Variants in IKZF2 observed in about 807,000 individuals in gnomAD.
IKZF2 encodes zinc finger protein Helios.
In IKZF2, 15 loss-of-function variants were observed where a neutral mutation model predicts 49.2. The ratio of observed to expected loss-of-function variants is 0.30; its 90% CI spans 0.20 to 0.47. IKZF2 has a LOEUF of 0.47. Ranked by LOEUF, IKZF2 falls within the 20% of genes least tolerant of loss-of-function variation. The pLI is 1.00. For missense variants in IKZF2, 567 were observed against 664.6 expected (o/e 0.85, Z 1.61); for synonymous variants, 227 against 221.4 (o/e 1.03, Z -0.23).
At chr2:213,146,762 G>GGGT (rs979527484) in intron 4 of IKZF2, among the ~76,000 whole-genome samples, 4 of 134,354 alleles carry the variant, frequency 3.0e-5, no homozygotes, top group Admixed American at 7.6e-5. Context: ...AAATCTTCGG[G>GGGT]GGGGGGGAAG....
intron 4 of IKZF2, among the ~76,000 whole-genome samples, chr2:213,107,046 A>G (rs1016013851): frequency 6.6e-6 from 1 of 152,170 alleles, no homozygotes; most frequent in Non-Finnish European, 1.5e-5. Context: ...ACTATATCAC[A>G]TATAGAAGGA....
At chr2:213,113,410 T>A (rs2059775611) in intron 4 of IKZF2, among the ~76,000 whole-genome samples, 1 of 152,142 alleles carries the variant, frequency 6.6e-6, no homozygotes, top group African/African-American at 2.4e-5. Context: ...TTAACTCAGT[T>A]TTTTTGGGGC....
chr2:213,083,073 G>A (rs765814774), intron 4 of IKZF2, among the ~76,000 whole-genome samples: 2 of 152,114 alleles, frequency 1.3e-5, no homozygotes, highest in Non-Finnish European at 2.9e-5. Context: ...CAGTTAAAAT[G>A]AGCCATATAG....
At chr2:213,010,678 T>C (rs530687334) in intron 8 of IKZF2, among the ~76,000 whole-genome samples, 4 of 152,132 alleles carry the variant, frequency 2.6e-5, no homozygotes, top group African/African-American at 9.6e-5. Context: ...TACATGTGTG[T>C]GTGAGACCCC....
At chr2:213,082,441 A>C (rs1055480170) in intron 4 of IKZF2, among the ~76,000 whole-genome samples, 6 of 152,220 alleles carry the variant, frequency 3.9e-5, no homozygotes, top group African/African-American at 9.6e-5. Flanking sequence ...ATATTAATGC[A>C]AGAAATAAGA....
At chr2:213,124,048 C>T (rs2125848245) in intron 4 of IKZF2, among the ~76,000 whole-genome samples, 1 of 152,190 alleles carries the variant, frequency 6.6e-6, no homozygotes, top group East Asian at 1.9e-4. Context: ...ACTTCCTTTC[C>T]TCTAGCACTT....
intron 4 of IKZF2, among the ~76,000 whole-genome samples, chr2:213,093,478 C>T (rs1242053243): frequency 1.3e-5 from 2 of 152,172 alleles, no homozygotes; most frequent in Non-Finnish European, 2.9e-5. Flanking sequence ...TTAAATTTCA[C>T]TTACTCTAAA....
chr2:213,131,001 C>G (rs891716602), intron 4 of IKZF2, among the ~76,000 whole-genome samples: 1 of 152,054 alleles, frequency 6.6e-6, no homozygotes, highest in Non-Finnish European at 1.5e-5. Context: ...CAAACAAATG[C>G]TTGTAAAACT....
chr2:213,069,076 G>A (rs983334474), intron 4 of IKZF2, among the ~76,000 whole-genome samples: 5 of 152,096 alleles, frequency 3.3e-5, no homozygotes, highest in Admixed American at 2.6e-4. Context: ...TCCCCGTCAG[G>A]ATGTGAACCC....
intron 5 of IKZF2, among the ~76,000 whole-genome samples, chr2:213,050,699 G>A (rs1559208522): frequency 6.6e-6 from 1 of 152,018 alleles, no homozygotes; most frequent in African/African-American, 2.4e-5. Flanking sequence ...TTGCTATGAA[G>A]TTTTTAAGCC....
chr2:213,084,396 T>C (rs998982700), intron 4 of IKZF2, among the ~76,000 whole-genome samples: 3 of 152,176 alleles, frequency 2.0e-5, no homozygotes, highest in African/African-American at 4.8e-5. Context: ...CTACAAAAGA[T>C]TCTCCTAAAC....
At chr2:213,141,148 A>T (rs1038944643) in intron 4 of IKZF2, among the ~76,000 whole-genome samples, 2 of 151,934 alleles carry the variant, frequency 1.3e-5, no homozygotes, top group South Asian at 4.1e-4. Context: ...TTGTCTCCTT[A>T]ATTCTACTAC....
intron 4 of IKZF2, among the ~76,000 whole-genome samples, chr2:213,113,802 T>C (rs10179508): frequency 0.37 from 56,681 of 151,974 alleles, 13,171 homozygotes; most frequent in East Asian, 0.73. Flanking sequence ...TGTTTCTAAA[T>C]GTGCCTGGGA....
At position 213,005,963 on chromosome 2, in the gene IKZF2, G is replaced by C. The variant is rs934042247; in HGVS notation, c.*1397C>G. 1.3e-5 allele frequency: 2 copies of C among 151,970 alleles called. No individual in the cohort carries two copies. The highest frequency in any genetic ancestry group is 4.8e-5 in the African/African-American group (2 of 41,414). The allele number at this position is 151,970 out of a possible 1,614,324, so 9.4% of individuals were successfully genotyped here. A position where few individuals can be genotyped will look rare whatever the true frequency, so the allele number is the denominator to read the frequency against. ...GAAAAATGTGCAGGACTTTCCTTTGGGGGTTCTGTCACATTCTAGACTCCA... is the reference window on the plus strand; with the variant it reads ...GAAAAATGTGCAGGACTTTCCTTTGCGGGTTCTGTCACATTCTAGACTCCA... On this transcript the variant is annotated 3_prime_UTR_variant, in exon 9 of 9. Coordinates refer to ENST00000434687, the MANE Select transcript of IKZF2 (RefSeq NM_001387220.1).
intron 4 of IKZF2, among the ~76,000 whole-genome samples, chr2:213,131,258 T>C (rs1435868320): frequency 6.6e-6 from 1 of 152,164 alleles, no homozygotes; most frequent in Non-Finnish European, 1.5e-5. Flanking sequence ...CTTAACAGTT[T>C]TAAGGGAGAG....
chr2:213,151,969 C>T (rs1457207854), upstream of IKZF2, among the ~76,000 whole-genome samples: 1 of 151,684 alleles, frequency 6.6e-6, no homozygotes, highest in Non-Finnish European at 1.5e-5. Flanking sequence ...CCGCGACGCG[C>T]GCACTCCCTC....
At chr2:213,142,373 A>G (rs2060905745) in intron 4 of IKZF2, among the ~76,000 whole-genome samples, 1 of 151,974 alleles carries the variant, frequency 6.6e-6, no homozygotes, top group Admixed American at 6.6e-5. Flanking sequence ...GACCTGTGCA[A>G]TATACAGAAA....
chr2:213,022,371 G>A (rs1157675822), intron 6 of IKZF2, among the ~76,000 whole-genome samples: 1 of 152,072 alleles, frequency 6.6e-6, no homozygotes, highest in Non-Finnish European at 1.5e-5. Context: ...TTCTTGCTCT[G>A]ACTGTATTCT....
chr2:213,037,458 T>G (rs746682547), intron 6 of IKZF2, among the ~76,000 whole-genome samples: 1 of 152,224 alleles, frequency 6.6e-6, no homozygotes, highest in Non-Finnish European at 1.5e-5. Context: ...AGTAGATACA[T>G]AATGGTTATT....
Sources: gnomAD v4.1 joint callset for allele counts (sites outside exome capture counted in the v4.1 genomes callset) on GRCh38, gnomAD v4.1.1 for gene constraint, MANE v1.5 for transcripts, NCBI Gene and HGNC (gene_info 2026-07-23, HGNC 2026-07-21) for gene names.